Variants in CHD9 observed in about 807,000 individuals in gnomAD.
CHD9 encodes the protein chromodomain helicase DNA binding protein 9.
A neutral mutation model predicts 316.1 loss-of-function variants in CHD9; 77 were observed. The ratio of observed to expected loss-of-function variants is 0.24; its 90% confidence interval spans 0.20 to 0.29. The LOEUF is 0.29. Ranked by LOEUF, CHD9 falls within the 10% of genes least tolerant of loss-of-function variation. The pLI, the probability that CHD9 is intolerant of heterozygous loss-of-function variation, is 1.00. For missense variants in CHD9, 2,763 were observed against 3,438.1 expected (o/e 0.80, Z 4.91); for synonymous variants, 1,129 against 1,158.3 (o/e 0.97, Z 0.51).
chr16:53,121,165 T>C lies in CHD9; in HGVS notation c.-164-34761T>C, dbSNP rs558115428. Reference sequence around the variant, plus strand: ...TGAAGCCAGAGGACCATATCTATCTTGTTCATTGTTGTATTCCCAGCCCCT... The same window carrying C: ...TGAAGCCAGAGGACCATATCTATCTCGTTCATTGTTGTATTCCCAGCCCCT... On this transcript the variant is annotated intron_variant, in intron 1 of 38. Coordinates refer to ENST00000447540, the MANE Select transcript of CHD9 (RefSeq NM_001308319.2). 4 of 323,350 alleles carry C rather than the reference T, an allele frequency of 1.2e-5. No homozygotes were observed. The East Asian group carries it at 2.4e-4, about 19-fold the overall frequency. The allele number at this position is 323,350 out of a possible 1,614,324, so 20.0% of individuals were successfully genotyped here. A position where few individuals can be genotyped will look rare whatever the true frequency, so the allele number is the denominator to read the frequency against.
At chr16:53,223,769 C>T (rs972208041) in intron 4 of CHD9, among the ~76,000 whole-genome samples, 15 of 151,416 alleles carry the variant, frequency 9.9e-5, no homozygotes, top group Non-Finnish European at 2.1e-4. Flanking sequence ...AACACACACA[C>T]AAAAAATGGT....
chr16:53,304,683 CTTTTCTTTTCTTTTTTTT>C, intron 31 of CHD9, 58 bp downstream of exon 31: 3 of 1,052,224 alleles, frequency 2.9e-6, no homozygotes, highest in Non-Finnish European at 3.8e-6. Flanking sequence ...CTTTTCTTTT[CTTTTCTTTTCTTTTTTTT>C]TTTTTTTTTT....
intron 1 of CHD9, among the ~76,000 whole-genome samples, chr16:53,145,842 G>A (rs374773794): frequency 2.0e-5 from 3 of 152,072 alleles, no homozygotes; most frequent in African/African-American, 2.4e-5. Context: ...AAAAACAATC[G>A]TACGTGGGCC....
intron 2 of CHD9, among the ~76,000 whole-genome samples, chr16:53,162,784 T>C (rs77862259): frequency 3.2e-5 from 4 of 126,466 alleles, no homozygotes; most frequent in Non-Finnish European, 1.6e-5. Flanking sequence ...CATATAAGCC[T>C]TTTTTTTTTT....
intron 1 of CHD9, among the ~76,000 whole-genome samples, chr16:53,134,143 A>G (rs185896181): frequency 6.8e-4 from 103 of 152,346 alleles, no homozygotes; most frequent in African/African-American, 2.4e-3. Context: ...TCATCGGGTA[A>G]TGAGTGAATA....
chr16:53,139,259 A>G (rs1252100314), intron 1 of CHD9, among the ~76,000 whole-genome samples: 1 of 152,194 alleles, frequency 6.6e-6, no homozygotes, highest in African/African-American at 2.4e-5. Flanking sequence ...GAGAACATAA[A>G]ATAACTACAG....
intron 1 of CHD9, among the ~76,000 whole-genome samples, chr16:53,143,422 C>T (rs1422790248): frequency 6.7e-6 from 1 of 149,396 alleles, no homozygotes; most frequent in Non-Finnish European, 1.5e-5. Context: ...GATACTCGCT[C>T]TGTCGCCCAG....
chr16:53,257,493 G>A (rs2050704821), intron 19 of CHD9, among the ~76,000 whole-genome samples: 1 of 152,150 alleles, frequency 6.6e-6, no homozygotes, highest in South Asian at 2.1e-4. Flanking sequence ...GTGAACCAGG[G>A]TCATGGAGAC....
chr16:53,235,125 TGCC>T, intron 10 of CHD9, 57 bp from the exon 11 acceptor site: 1 of 1,403,748 alleles, frequency 7.1e-7, no homozygotes, highest in African/African-American at 1.4e-5. Flanking sequence ...CAATGCTTTT[TGCC>T]TTCAGTATGA....
At chr16:53,226,245 A>G (rs1314161960) in intron 4 of CHD9, 121 bp from the exon 5 acceptor site, 1 of 587,152 alleles carries the variant, frequency 1.7e-6, no homozygotes, top group Non-Finnish European at 2.8e-6. Context: ...AGGAAAAGAT[A>G]GTACATTGAG....
intron 1 of CHD9, among the ~76,000 whole-genome samples, chr16:53,153,071 T>C (rs2041243786): frequency 6.6e-6 from 1 of 152,184 alleles, no homozygotes; most frequent in African/African-American, 2.4e-5. Flanking sequence ...TAGGTAGTGT[T>C]AGATGAGACG....
chr16:53,172,752 A>G (rs2152786229), intron 2 of CHD9, among the ~76,000 whole-genome samples: 1 of 152,168 alleles, frequency 6.6e-6, no homozygotes, highest in East Asian at 1.9e-4. Flanking sequence ...TGTGGTTTTA[A>G]TTTGTATTTC....
rs777950199 is a variant in CHD9, at chr16:53,222,669, A to G, written c.1810A>G (p.Lys604Glu). 10 of 1,556,720 alleles carry G rather than the reference A, an allele frequency of 6.4e-6. No homozygotes were observed. The highest frequency in any genetic ancestry group is 8.8e-6 in the Non-Finnish European group (10 of 1,137,826). ...CAAACTCATTATTACATTGGGTAAGAAACAAAAAAGAAAGAATGAGTCTTC... is the reference window on the plus strand; with the variant it reads ...CAAACTCATTATTACATTGGGTAAGGAACAAAAAAGAAAGAATGAGTCTTC... ...IGKLIITLGK[K>E]QKRKNESSDE... Residue 604 changes from lysine (K) to glutamate (E), a missense_variant, in exon 4 of 39, where the codon AAA becomes GAA. By Grantham distance (56) the Lys-to-Glu change is moderately conservative. Coordinates refer to ENST00000447540, the MANE Select transcript of CHD9 (RefSeq NM_001308319.2).
chr16:53,137,674 A>G (rs1225934129), intron 1 of CHD9, among the ~76,000 whole-genome samples: 1 of 152,236 alleles, frequency 6.6e-6, no homozygotes, highest in East Asian at 1.9e-4. Context: ...ATTTCTGCCT[A>G]AATGAGATAC....
rs375281160 is a variant in CHD9 at position 53,324,555 on chromosome 16, C to A, written c.8354C>A (p.Ala2785Asp). 2 of 1,613,530 alleles carry A rather than the reference C, an allele frequency of 1.2e-6. No homozygotes were observed. Among genetic ancestry groups the A allele is most frequent in the African/African-American group, 2.7e-5 (2 of 74,926 alleles). Residue 2785 changes from alanine to aspartate, a missense_variant, in exon 39 of 39, where the codon GCT becomes GAT. Ala to Asp is a moderately radical substitution (Grantham distance 126). This residue lies in a region of CHD9 where 298 missense variants were observed against 380.2 expected (regional missense o/e 0.78). Transcript: ENST00000447540. ...TCCTCTACTGCTGCATTAAATACAGCTGCAGCTGCCAACCCATTAGCTCTT... is the reference window on the plus strand; with the variant it reads ...TCCTCTACTGCTGCATTAAATACAGATGCAGCTGCCAACCCATTAGCTCTT... ...STSSTAALNT[A>D]AAANPLALNP...
In CHD9 at chr16:53,285,710, A is replaced by C. The variant is rs758055079; in HGVS notation, c.5071+11A>C. Reference sequence around the variant, plus strand: ...GAGTTTTTAAACATGGTAAGTAAGAAGTAAGGTAGGTGAGATCCCCTTCTA... The same window carrying C: ...GAGTTTTTAAACATGGTAAGTAAGACGTAAGGTAGGTGAGATCCCCTTCTA... On this transcript the variant is annotated intron_variant, in intron 25 of 38. Coordinates refer to ENST00000447540, the MANE Select transcript of CHD9 (RefSeq NM_001308319.2). 2.0e-6 allele frequency: 3 copies of C among 1,509,772 alleles called. No homozygotes were observed. The highest frequency in any genetic ancestry group is 2.7e-6 in the Non-Finnish European group (3 of 1,091,218). The allele number at this position is 1,509,772 out of a possible 1,614,324, so 93.5% of individuals were successfully genotyped here. A position where few individuals can be genotyped will look rare whatever the true frequency, so the allele number is the denominator to read the frequency against.
chr16:53,300,929 C>T (rs527460742), intron 30 of CHD9, among the ~76,000 whole-genome samples: 79 of 152,222 alleles, frequency 5.2e-4, no homozygotes, highest in Middle Eastern at 3.4e-3. Context: ...AAAAATTAGC[C>T]AGGCATGGTG....
intron 1 of CHD9, among the ~76,000 whole-genome samples, chr16:53,099,538 T>A (rs1376787899): frequency 1.3e-5 from 2 of 152,084 alleles, no homozygotes; most frequent in African/African-American, 4.8e-5. Flanking sequence ...GTGTTCCACC[T>A]TAGATAGGTC....
chr16:53,235,684 A>G (rs555895184), intron 11 of CHD9, among the ~76,000 whole-genome samples: 1 of 152,300 alleles, frequency 6.6e-6, no homozygotes, highest in East Asian at 1.9e-4. Context: ...TTAAAGCTCT[A>G]TCATTTAATG....
Sources: gnomAD v4.1 joint callset for allele counts (sites outside exome capture counted in the v4.1 genomes callset) on GRCh38, gnomAD v4.1.1 for gene constraint, gnomAD v4.1.1 regional missense constraint, MANE v1.5 for transcripts, NCBI Gene and HGNC (gene_info 2026-07-23, HGNC 2026-07-21) for gene names.